The following DGKB variants were observed in gnomAD, a reference collection of about 807,000 sequenced individuals.
The protein encoded by DGKB is diacylglycerol kinase beta.
Under a neutral mutation model 114.3 loss-of-function variants are expected in DGKB, and 67 were observed. The ratio of observed to expected loss-of-function variants is 0.59; its 90% CI spans 0.48 to 0.72. DGKB has a LOEUF of 0.72. DGKB is among the 30% of genes least tolerant of loss of function. DGKB has a pLI of 0.00. For missense variants in DGKB, 907 were observed against 975.2 expected, an observed-to-expected ratio of 0.93 and a Z score of 0.93; for synonymous variants, 398 against 323.1, an observed-to-expected ratio of 1.23 and a Z score of -2.49.
chr7:14,196,275 A>G (rs1280827090), intron 23 of DGKB, among the ~76,000 whole-genome samples: 1 of 152,142 alleles, frequency 6.6e-6, no homozygotes, highest in Non-Finnish European at 1.5e-5. Flanking sequence ...AAAGATGAGC[A>G]GTTTTTGACT....
chr7:14,919,548 A>C (rs1186173505), intron 1 of DGKB, among the ~76,000 whole-genome samples: 1 of 152,216 alleles, frequency 6.6e-6, no homozygotes, highest in African/African-American at 2.4e-5. Context: ...TATCCCTTGG[A>C]TATTTGTCCC....
intron 2 of DGKB, among the ~76,000 whole-genome samples, chr7:14,762,976 G>A (rs1222363115): frequency 1.3e-5 from 2 of 151,994 alleles, no homozygotes; most frequent in African/African-American, 2.4e-5. Flanking sequence ...ACTGTTTCCT[G>A]TTGCTTTTGG....
At chr7:14,649,997 A>C (rs1038286042) in intron 13 of DGKB, among the ~76,000 whole-genome samples, 2 of 151,164 alleles carry the variant, frequency 1.3e-5, no homozygotes, top group African/African-American at 2.4e-5. Flanking sequence ...TTCATAAAGC[A>C]AGTCCTGAGT....
intron 2 of DGKB, among the ~76,000 whole-genome samples, chr7:14,801,897 T>TAC (rs1197617746): frequency 1.1e-4 from 15 of 140,578 alleles, no homozygotes; most frequent in African/African-American, 4.0e-4. Context: ...TATATATATA[T>TAC]ACACACATAT....
chr7:14,647,081 A>C (rs187094860), intron 13 of DGKB, among the ~76,000 whole-genome samples: 2 of 152,068 alleles, frequency 1.3e-5, no homozygotes, highest in Admixed American at 6.5e-5. Context: ...ACTAAGAAAT[A>C]ATAAAGAAAA....
chr7:14,343,200 A>ACACACACACAC lies in DGKB; in HGVS notation c.1926+2100_1926+2101insGTGTGTGTGTG, dbSNP rs1562972962. 1.8e-3 allele frequency among the ~76,000 whole-genome samples: 96 copies of ACACACACACAC among 54,646 alleles called. 1 individual carries two copies. Among genetic ancestry groups the ACACACACACAC allele is most frequent in the African/African-American group, 4.4e-3 (92 of 20,888 alleles). 35.8% of individuals were successfully genotyped at this position (54,646 alleles called of 152,430 possible). ...ACACACACACACACACACACACACAACAAGATATGCAAAAATACAAGGGGG... is the reference window on the plus strand; with the variant it reads ...ACACACACACACACACACACACACAACACACACACACCAAGATATGCAAAAATACAAGGGGG... On this transcript the variant is annotated intron_variant, in intron 22 of 25. Coordinates refer to ENST00000402815, the MANE Select transcript of DGKB (RefSeq NM_001350709.2).
chr7:14,911,384 TGG>T (rs1200952211), intron 1 of DGKB, among the ~76,000 whole-genome samples: 1 of 152,046 alleles, frequency 6.6e-6, no homozygotes, highest in African/African-American at 2.4e-5. Context: ...ATTTTTTTAT[TGG>T]GCTTAGGATA....
chr7:14,857,211 T>A (rs1237185065), intron 1 of DGKB, among the ~76,000 whole-genome samples: 1 of 145,726 alleles, frequency 6.9e-6, no homozygotes. Context: ...TCTCTGTCTC[T>A]CTCTCTCTCT....
chr7:14,747,514 A>G (rs944832097), intron 4 of DGKB, among the ~76,000 whole-genome samples: 2 of 152,102 alleles, frequency 1.3e-5, no homozygotes, highest in African/African-American at 2.4e-5. Context: ...ATTATTAGAC[A>G]TTTCTGATAA....
chr7:14,184,794 T>G (rs1462332846), intron 23 of DGKB, among the ~76,000 whole-genome samples: 1 of 151,848 alleles, frequency 6.6e-6, no homozygotes, highest in Admixed American at 6.6e-5. Context: ...TGGCAGGAGG[T>G]GCAAAAAAAG....
chr7:14,454,548 G>T (rs1012096017), intron 21 of DGKB, among the ~76,000 whole-genome samples: 1 of 151,930 alleles, frequency 6.6e-6, no homozygotes, highest in Non-Finnish European at 1.5e-5. Flanking sequence ...TCTAAATTTT[G>T]TGCTCTTGTG....
rs1563943678 is a variant in DGKB at position 14,697,791 on chromosome 7, G to GAAAGAAAGA, written c.591+303_591+304insTCTTTCTTT. On this transcript the variant is annotated intron_variant, in intron 8 of 25. Transcript: ENST00000402815. The stretch of plus-strand genomic sequence containing the variant: ...AAGAAACAAAGAGAAAGAAAGAAAG[G>GAAAGAAAGA]AAGGAAGGAAGAAAGAGAAAGAAAG... Among the ~76,000 whole-genome samples, 217 of 116,278 alleles carry GAAAGAAAGA rather than the reference G, an allele frequency of 1.9e-3. 1 individual carries two copies. Among genetic ancestry groups the GAAAGAAAGA allele is most frequent in the African/African-American group, 7.6e-3 (214 of 28,260 alleles). The allele number at this position is 116,278 out of a possible 152,430, so 76.3% of individuals were successfully genotyped here.
intron 23 of DGKB, among the ~76,000 whole-genome samples, chr7:14,337,954 C>T (rs551790819): frequency 6.6e-6 from 1 of 152,096 alleles, no homozygotes; most frequent in South Asian, 2.1e-4. Flanking sequence ...TTTTTTAGGT[C>T]TTTGCTTTCT....
intron 20 of DGKB, among the ~76,000 whole-genome samples, chr7:14,564,724 T>G (rs1797143543): frequency 6.6e-6 from 1 of 152,148 alleles, no homozygotes; most frequent in Non-Finnish European, 1.5e-5. Context: ...CTTAGCAGCT[T>G]TCTATTTAGT....
At chr7:14,152,253 T>A (rs1782323396) in intron 25 of DGKB, among the ~76,000 whole-genome samples, 1 of 152,098 alleles carries the variant, frequency 6.6e-6, no homozygotes, top group African/African-American at 2.4e-5. Flanking sequence ...CTATTAAGCG[T>A]CAGGTAATTA....
intron 21 of DGKB, among the ~76,000 whole-genome samples, chr7:14,385,959 C>T (rs1047523530): frequency 2.0e-5 from 3 of 152,092 alleles, no homozygotes; most frequent in Admixed American, 6.6e-5. Flanking sequence ...TTCATTCAAA[C>T]GGAAGAAAAT....
chr7:14,220,828 CTTTCT>C (rs940758822), intron 23 of DGKB, among the ~76,000 whole-genome samples: 4 of 149,024 alleles, frequency 2.7e-5, no homozygotes, highest in African/African-American at 7.3e-5. Context: ...CAAATGTTTT[CTTTCT>C]TTTAATTTTT....
intron 23 of DGKB, among the ~76,000 whole-genome samples, chr7:14,242,066 CTTTA>C (rs1486699080): frequency 2.6e-5 from 4 of 151,888 alleles, no homozygotes; most frequent in Admixed American, 6.6e-5. Flanking sequence ...AGCAAATCAA[CTTTA>C]TTTAATTTAT....
chr7:14,329,656 T>C (rs1419528395), intron 23 of DGKB, among the ~76,000 whole-genome samples: 1 of 152,016 alleles, frequency 6.6e-6, no homozygotes, highest in African/African-American at 2.4e-5. Context: ...AAAGAAATTA[T>C]TGTAATTTCC....
Sources: gnomAD v4.1 joint callset for allele counts (sites outside exome capture counted in the v4.1 genomes callset) on GRCh38, gnomAD v4.1.1 for gene constraint, MANE v1.5 for transcripts, NCBI Gene and HGNC (gene_info 2026-07-23, HGNC 2026-07-21) for gene names.